ZNF584: variants seen among roughly 807,000 people sequenced by gnomAD.
The protein encoded by ZNF584 is zinc finger protein 584.
A neutral mutation model predicts 14.7 loss-of-function variants in ZNF584; 12 were observed. The observed-to-expected ratio is 0.82, with a 90% CI of 0.52 to 1.32. The LOEUF is 1.32. ZNF584 is among the 40% of genes most tolerant of loss of function. ZNF584 has a pLI of 0.00. For synonymous variants in ZNF584, 204 were observed against 190.9 expected (o/e 1.07, Z -0.57); for missense variants, 478 against 518.8 (o/e 0.92, Z 0.76).
In ZNF584 at chr19:58,409,145, C is replaced by A. The variant is rs541227305; in HGVS notation, c.-3C>A. On this transcript the variant is annotated 5_prime_UTR_variant, in exon 1 of 4. Transcript: ENST00000306910. ...AGTCCACGGGTTCTGCCCGCACGGT[C>A]CAATGGCCGGGGAGGCGGAGGTGAG... is the stretch of plus-strand genomic sequence containing the variant. 6.9e-7 allele frequency: 1 copy of A among 1,447,816 alleles called. No individual in the cohort carries two copies. The highest frequency in any genetic ancestry group is 9.2e-7 in the Non-Finnish European group (1 of 1,092,866). 89.7% of individuals were successfully genotyped at this position (1,447,816 alleles called of 1,614,324 possible).
At position 58,409,145 on chromosome 19, in the gene ZNF584, C is replaced by G. The variant is rs541227305; in HGVS notation, c.-3C>G. ...AGTCCACGGGTTCTGCCCGCACGGT[C>G]CAATGGCCGGGGAGGCGGAGGTGAG... On this transcript the variant is annotated 5_prime_UTR_variant, in exon 1 of 4. Transcript: ENST00000306910. 4 of 1,447,700 alleles carry G rather than the reference C, an allele frequency of 2.8e-6. No homozygotes were observed. The highest frequency in any genetic ancestry group is 1.8e-6 in the Non-Finnish European group (2 of 1,092,876). 89.7% of individuals were successfully genotyped at this position (1,447,700 alleles called of 1,614,324 possible).
upstream of ZNF584, among the ~76,000 whole-genome samples, chr19:58,403,777 T>G (rs1289941605): frequency 6.6e-6 from 1 of 152,016 alleles, no homozygotes. Flanking sequence ...GAGACCATCC[T>G]GGCCAAAATG....
In ZNF584 at chr19:58,409,132, C is replaced by T. The variant is rs773133889; in HGVS notation, c.-16C>T. 3 of 1,456,414 alleles carry T rather than the reference C, an allele frequency of 2.1e-6. No homozygotes were observed. Among genetic ancestry groups the T allele is most frequent in the Admixed American group, 2.6e-5 (1 of 38,774 alleles). The allele number at this position is 1,456,414 out of a possible 1,614,324, so 90.2% of individuals were successfully genotyped here. A position where few individuals can be genotyped will look rare whatever the true frequency, so the allele number is the denominator to read the frequency against. On this transcript the variant is annotated 5_prime_UTR_variant, in exon 1 of 4. Coordinates refer to ENST00000306910, the MANE Select transcript of ZNF584 (RefSeq NM_173548.3). ...AGGCCGTGGGTCCAGTCCACGGGTTCTGCCCGCACGGTCCAATGGCCGGGG... is the reference window on the plus strand; with the variant it reads ...AGGCCGTGGGTCCAGTCCACGGGTTTTGCCCGCACGGTCCAATGGCCGGGG...
At chr19:58,406,924 A>T (rs963768853), upstream of ZNF584, 2 of 152,490 alleles carry the variant, frequency 1.3e-5, no homozygotes, top group Admixed American at 6.5e-5. Flanking sequence ...ACTGAGGAAC[A>T]GGGTTGCAAG....
chr19:58,417,439 T>A lies in ZNF584; in HGVS notation c.921T>A (p.Phe307Leu), dbSNP rs560099314. 1 of 1,603,246 alleles carries A rather than the reference T, an allele frequency of 6.2e-7. No homozygotes were observed. The highest frequency in any genetic ancestry group is 1.7e-5 in the Admixed American group (1 of 59,830). ...PYECTECGKF[F>L]KYNNSFILHQ... ...AGTGTACAGAATGTGGGAAGTTCTT[T>A]AAATACAATAATAGCTTCATTCTTC... The change falls in exon 4 of 4, where the codon TTT (phenylalanine) becomes TTA (leucine). Residue 307 changes from phenylalanine (F) to leucine (L), a missense_variant. Coordinates refer to ENST00000306910, the MANE Select transcript of ZNF584 (RefSeq NM_173548.3).
At chr19:58,416,049 A>G (rs1344903627) in intron 3 of ZNF584, 24 of 1,354,786 alleles carry the variant, frequency 1.8e-5, no homozygotes, top group Middle Eastern at 2.0e-4. Flanking sequence ...CTTGGCTGTC[A>G]CCAGCAGCCA....
chr19:58,411,614 C>T (rs2052573259), intron 2 of ZNF584, among the ~76,000 whole-genome samples: 1 of 151,588 alleles, frequency 6.6e-6, no homozygotes, highest in Non-Finnish European at 1.5e-5. Context: ...TTTGTCCTCT[C>T]TTCTGTTAAT....
At chr19:58,410,577 ATATATG>A (rs1321139350) in intron 2 of ZNF584, among the ~76,000 whole-genome samples, 1 of 23,314 alleles carries the variant, frequency 4.3e-5, no homozygotes, top group Non-Finnish European at 7.2e-5. Context: ...ATATATGTAT[ATATATG>A]TATATATATG....
At chr19:58,401,637 G>A (rs1024774561) in exon 1 of ZNF584, 1 of 151,900 alleles carries the variant, frequency 6.6e-6, no homozygotes, top group Admixed American at 6.6e-5. Flanking sequence ...CCCCAGGATG[G>A]GGGACAGGAG....
At chr19:58,401,902 AAAG>A (rs2052433598) in intron 1 of ZNF584, among the ~76,000 whole-genome samples, 1 of 143,782 alleles carries the variant, frequency 7.0e-6, no homozygotes, top group South Asian at 2.1e-4. Flanking sequence ...AAAAAAAAAA[AAAG>A]ATTTTTTTTT....
chr19:58,410,518 A>AAT lies in ZNF584; in HGVS notation c.169+466_169+467dup, dbSNP rs1156543028. Among the ~76,000 whole-genome samples, 284 of 77,164 alleles carry AAT rather than the reference A, an allele frequency of 3.7e-3. 6 individuals carry two copies. The highest frequency in any genetic ancestry group is 0.017 in the East Asian group (33 of 1,954). 50.6% of individuals were successfully genotyped at this position (77,164 alleles called of 152,430 possible). A position where few individuals can be genotyped will look rare whatever the true frequency, so the allele number is the denominator to read the frequency against. The stretch of plus-strand genomic sequence containing the variant: ...GAATTTTAATCAGAACGGTTTGGGA[A>AAT]ATATATATATATATATATATATATA... On this transcript the variant is annotated intron_variant, in intron 2 of 3. Coordinates refer to ENST00000306910, the MANE Select transcript of ZNF584 (RefSeq NM_173548.3).
upstream of ZNF584, among the ~76,000 whole-genome samples, chr19:58,407,612 A>G (rs904117028): frequency 1.1e-4 from 16 of 152,158 alleles, no homozygotes; most frequent in African/African-American, 3.9e-4. Flanking sequence ...AGAGGAAAAA[A>G]ACCAGAGTTG....
Position 58,417,571 on chromosome 19 carries a change from A to G in ZNF584, c.1053A>G (p.Glu351=). 1.9e-6 allele frequency: 3 copies of G among 1,614,218 alleles called. No homozygotes were observed. The highest frequency in any genetic ancestry group is 2.5e-6 in the Non-Finnish European group (3 of 1,180,034). The change falls in exon 4 of 4, where the codon GAA becomes GAG. Residue 351 remains glutamate, a synonymous_variant. Transcript: ENST00000306910. The part of the protein sequence containing the change: ...LYQHWKVHTG[E]RPYECSLCGK... ...AGCACTGGAAAGTCCACACTGGGGA[A>G]CGGCCCTATGAATGTAGCCTGTGTG...
upstream of ZNF584, chr19:58,405,703 G>T: frequency 7.0e-6 from 1 of 143,578 alleles, no homozygotes. Flanking sequence ...CTCACATCCC[G>T]GACGGGGCGG....
rs747923692 is a variant in ZNF584, at chr19:58,416,988, A to T, written c.470A>T (p.Lys157Met). Residue 157 changes from lysine to methionine, a missense_variant, in exon 4 of 4, where the codon AAG becomes ATG. Physicochemically the swap from Lys to Met is moderately conservative, Grantham distance 95 (BLOSUM62 -1). Around this residue, in one of 3 missense-constraint regions of ZNF584, gnomAD observed 6 missense variants for 23.5 expected, o/e 0.26. Coordinates refer to ENST00000306910, the MANE Select transcript of ZNF584 (RefSeq NM_173548.3). ...CAGCAAGAAGTCCATGTGGCAGAGA[A>T]GCTGTTCAAATGCAGTGACTGTGGG... The part of the protein sequence containing the change: ...GQQQEVHVAE[K>M]LFKCSDCGKV... The T allele has an allele frequency of 5.0e-6, 8 of 1,611,428 alleles. No individual in the cohort carries two copies. Among genetic ancestry groups the T allele is most frequent in the Admixed American group, 1.7e-5 (1 of 59,786 alleles).
upstream of ZNF584, chr19:58,408,171 G>C (rs188823122): frequency 1.3e-5 from 2 of 152,260 alleles, no homozygotes; most frequent in Non-Finnish European, 2.9e-5. Flanking sequence ...ACATTTTTCT[G>C]AGCCTTGCTC....
Position 58,417,621 on chromosome 19 carries a change from AC to A in ZNF584, c.1105del (p.Arg369AlafsTer81). The A allele has an allele frequency of 6.2e-7, 1 of 1,614,150 alleles. No individual in the cohort carries two copies. The highest frequency in any genetic ancestry group is 8.5e-7 in the Non-Finnish European group (1 of 1,180,040). On this transcript the variant is annotated frameshift_variant, in exon 4 of 4. Transcript: ENST00000306910. LOFTEE classifies it low-confidence loss of function (END_TRUNC). Reference sequence around the variant, plus strand: ...GGGAAAACCTTCACTACCAGATCCTACCGCAATCGGCACCAGCAGTTCCACA... The same window carrying A: ...GGGAAAACCTTCACTACCAGATCCTACGCAATCGGCACCAGCAGTTCCACA... ...LCGKTFTTRS[Y>X]RNRHQQFHTE...
chr19:58,415,086 G>A (rs1347108683), intron 2 of ZNF584, among the ~76,000 whole-genome samples: 1 of 151,826 alleles, frequency 6.6e-6, no homozygotes, highest in Non-Finnish European at 1.5e-5. Flanking sequence ...GTAGAAGGGG[G>A]GTTTCACCGT....
intron 2 of ZNF584, among the ~76,000 whole-genome samples, chr19:58,411,292 C>T (rs1040746379): frequency 2.0e-5 from 3 of 150,966 alleles, no homozygotes; most frequent in Non-Finnish European, 4.4e-5. Flanking sequence ...TTTGGGAGGG[C>T]GAGGCAGGTG....
Sources: allele counts gnomAD v4.1 joint callset (sites outside exome capture counted in the v4.1 genomes callset), GRCh38; gene constraint gnomAD v4.1.1; regional missense constraint gnomAD v4.1.1; transcripts MANE v1.5; gene names NCBI Gene and HGNC (gene_info 2026-07-23, HGNC 2026-07-21).